IL12RB2: variants seen among roughly 807,000 people sequenced by gnomAD.
IL12RB2 encodes interleukin 12 receptor subunit beta 2.
IL12RB2 carries 82 observed loss-of-function variants against 89.4 expected under a neutral mutation model. The observed-to-expected ratio is 0.92, with a 90% CI of 0.77 to 1.10. The LOEUF (loss-of-function observed/expected upper bound fraction) is 1.10, where lower values mean the gene tolerates loss of function less well. IL12RB2 is among the 50% of genes least tolerant of loss of function. The pLI is 0.00. For synonymous variants in IL12RB2, 368 were observed against 370.1 expected (o/e 0.99, Z 0.07); for missense variants, 963 against 1,031.9 (o/e 0.93, Z 0.92).
Position 67,321,947 on chromosome 1 carries a change from T to C in IL12RB2, c.364+58T>C, listed in dbSNP as rs1569752648. ...GTGATCTTTTGGTATTTTTGATCTT[T>C]TGGTATTTGGTGTTAAACAGAAACC... is the stretch of plus-strand genomic sequence containing the variant. On this transcript the variant is annotated intron_variant, in intron 4 of 16. Transcript: ENST00000674203. 9 of 1,464,916 alleles carry C rather than the reference T, an allele frequency of 6.1e-6. No individual in the cohort carries two copies. The East Asian group carries it at 2.0e-4, about 33-fold the overall frequency. 90.7% of individuals were successfully genotyped at this position (1,464,916 alleles called of 1,614,324 possible). A position where few individuals can be genotyped will look rare whatever the true frequency, so the allele number is the denominator to read the frequency against.
chr1:67,324,768 C>T (rs931616059), intron 4 of IL12RB2, among the ~76,000 whole-genome samples: 1 of 152,216 alleles, frequency 6.6e-6, no homozygotes, highest in Non-Finnish European at 1.5e-5. Flanking sequence ...TGATCAAGTC[C>T]TTATCTAGGA....
chr1:67,385,010 G>A (rs1202850761), intron 14 of IL12RB2, among the ~76,000 whole-genome samples: 1 of 152,142 alleles, frequency 6.6e-6, no homozygotes, highest in Non-Finnish European at 1.5e-5. Context: ...CTTCTTCTGA[G>A]CCTTCCAAAC....
chr1:67,362,293 G>A (rs1172326210), intron 10 of IL12RB2, among the ~76,000 whole-genome samples: 1 of 151,328 alleles, frequency 6.6e-6, no homozygotes, highest in Non-Finnish European at 1.5e-5. Flanking sequence ...GAGGCCGGGC[G>A]CGGTGGCTCA....
chr1:67,364,601 T>A (rs1277011877), intron 10 of IL12RB2, among the ~76,000 whole-genome samples: 1 of 152,098 alleles, frequency 6.6e-6, no homozygotes, highest in Non-Finnish European at 1.5e-5. Context: ...AACATAACAA[T>A]CTTTAATGTG....
intron 8 of IL12RB2, 150 bp from the exon 9 acceptor site, chr1:67,338,474 T>C: frequency 1.6e-6 from 1 of 620,706 alleles, no homozygotes; most frequent in East Asian, 2.8e-5. Context: ...TGTTCATTGT[T>C]AAACAAGAAA....
chr1:67,383,128 T>C (rs1251229376), intron 14 of IL12RB2, among the ~76,000 whole-genome samples: 1 of 152,146 alleles, frequency 6.6e-6, no homozygotes, highest in Admixed American at 6.5e-5. Context: ...CTTATAATCG[T>C]GGCAGAAGGG....
chr1:67,395,416 C>G (rs1666270584), intron 16 of IL12RB2, 131 bp from the exon 17 acceptor site: 4 of 1,563,828 alleles, frequency 2.6e-6, no homozygotes. Context: ...TCGCAAACTC[C>G]AGTGCCCAAC....
At chr1:67,333,652 A>T (rs978935675) in intron 8 of IL12RB2, among the ~76,000 whole-genome samples, 3 of 152,330 alleles carry the variant, frequency 2.0e-5, no homozygotes, top group East Asian at 3.9e-4. Context: ...GAAAGAAACT[A>T]CTTTGCTGTG....
In IL12RB2 at chr1:67,371,259, T is replaced by C. The variant is rs182345442; in HGVS notation, c.1460-1177T>C. On this transcript the variant is annotated intron_variant, in intron 11 of 16. Coordinates refer to ENST00000674203, the MANE Select transcript of IL12RB2 (RefSeq NM_001374259.2). ...CTCAAATTGGAATTTACCCATGGCA[T>C]GTGTTTTGATCTTGTCATGGTCTCT... 1.3e-3 allele frequency among the ~76,000 whole-genome samples: 205 copies of C among 152,358 alleles called. 1 individual carries two copies. The highest frequency in any genetic ancestry group is 2.4e-4 in the Non-Finnish European group (16 of 68,038).
chr1:67,358,259 C>T (rs1661613473), intron 10 of IL12RB2, among the ~76,000 whole-genome samples: 1 of 152,150 alleles, frequency 6.6e-6, no homozygotes, highest in Non-Finnish European at 1.5e-5. Flanking sequence ...AAATGTTTCT[C>T]CAGCTAAACT....
chr1:67,346,629 G>T (rs977466893), intron 9 of IL12RB2, among the ~76,000 whole-genome samples: 2 of 151,948 alleles, frequency 1.3e-5, no homozygotes, highest in African/African-American at 4.8e-5. Context: ...CAAGTGATTT[G>T]CCCACCTCAG....
chr1:67,338,553 T>G (rs988795775), intron 8 of IL12RB2, 71 bp from the exon 9 acceptor site: 1 of 790,630 alleles, frequency 1.3e-6, no homozygotes, highest in Non-Finnish European at 2.3e-6. Context: ...CAGAATTGTT[T>G]ACTGAATGAC....
intron 16 of IL12RB2, among the ~76,000 whole-genome samples, chr1:67,390,453 TC>T (rs1665684679): frequency 7.5e-6 from 1 of 133,736 alleles, no homozygotes; most frequent in Non-Finnish European, 1.6e-5. Context: ...AAGCAAACTT[TC>T]CTTTTTTTTT....
chr1:67,326,682 C>G (rs1039457103), intron 4 of IL12RB2, 53 bp from the exon 5 acceptor site: 238 of 1,596,298 alleles, frequency 1.5e-4, no homozygotes, highest in Non-Finnish European at 1.9e-4. Flanking sequence ...AATAACAATT[C>G]GGTTGAAATA....
At chr1:67,354,138 T>C (rs960621428) in intron 10 of IL12RB2, among the ~76,000 whole-genome samples, 2 of 152,124 alleles carry the variant, frequency 1.3e-5, no homozygotes, top group Non-Finnish European at 2.9e-5. Flanking sequence ...GTAAGAGGTA[T>C]GCATGGGGGC....
At chr1:67,324,691 G>C (rs552530629) in intron 4 of IL12RB2, among the ~76,000 whole-genome samples, 4 of 152,172 alleles carry the variant, frequency 2.6e-5, no homozygotes, top group Non-Finnish European at 4.4e-5. Context: ...AAGTTAAAAC[G>C]ACTCTCAGAC....
chr1:67,338,504 C>T (rs1659134400), intron 8 of IL12RB2, 120 bp from the exon 9 acceptor site: 1 of 690,594 alleles, frequency 1.4e-6, no homozygotes, highest in Non-Finnish European at 2.7e-6. Flanking sequence ...TACTGGGACA[C>T]ACACAAATAA....
In IL12RB2 at chr1:67,395,583, G is replaced by C; in HGVS notation, c.2083G>C (p.Asp695His). ...TQLPLDRLLI[D>H]WPTPEDPEPL... ...GCTGCCCTTGGACAGGCTCCTGATA[G>C]ACTGGCCCACGCCTGAAGATCCTGA... The change falls in exon 17 of 17, where the codon GAC (aspartate) becomes CAC (histidine). Residue 695 changes from aspartate (D) to histidine (H), a missense_variant. Coordinates refer to ENST00000674203, the MANE Select transcript of IL12RB2 (RefSeq NM_001374259.2). The C allele has an allele frequency of 6.2e-7, 1 of 1,614,222 alleles. No individual in the cohort carries two copies. The highest frequency in any genetic ancestry group is 1.1e-5 in the South Asian group (1 of 91,080).
chr1:67,318,030 T>A (rs1656009299), intron 2 of IL12RB2, among the ~76,000 whole-genome samples: 1 of 152,070 alleles, frequency 6.6e-6, no homozygotes, highest in Non-Finnish European at 1.5e-5. Flanking sequence ...GGAGGGGCTG[T>A]CTGGGGAAGT....
Sources: allele counts gnomAD v4.1 joint callset (sites outside exome capture counted in the v4.1 genomes callset), GRCh38; gene constraint gnomAD v4.1.1; transcripts MANE v1.5; gene names NCBI Gene and HGNC (gene_info 2026-07-23, HGNC 2026-07-21).